The following SYT16 variants were observed in gnomAD, a reference collection of about 807,000 sequenced individuals.
The protein encoded by SYT16 is synaptotagmin-16.
A neutral mutation model predicts 61.4 loss-of-function variants in SYT16; 42 were observed. That is an observed-to-expected ratio of 0.68 (90% CI 0.53 to 0.89). SYT16 has a LOEUF of 0.89. Ranked by LOEUF, SYT16 falls within the 40% of genes least tolerant of loss-of-function variation. The probability of loss-of-function intolerance (pLI) is 0.00; values close to 1 mark genes in which losing one functional copy is unlikely to be tolerated. For missense variants in SYT16, 804 were observed against 807.3 expected (o/e 1.00, Z 0.05); for synonymous variants, 314 against 302.3 (o/e 1.04, Z -0.40).
At chr14:62,060,577 T>C (rs1281271024) in intron 3 of SYT16, among the ~76,000 whole-genome samples, 1 of 151,948 alleles carries the variant, frequency 6.6e-6, no homozygotes, top group Non-Finnish European at 1.5e-5. Context: ...TGTGTTGAGA[T>C]GATTATTTGG....
chr14:62,078,153 C>CTATATATATATATA (rs1437217028), intron 5 of SYT16, among the ~76,000 whole-genome samples: 66 of 101,712 alleles, frequency 6.5e-4, no homozygotes, highest in African/African-American at 2.8e-3. Context: ...CTCTCTCTCT[C>CTATATATATATATA]TCTATATATA....
At chr14:62,043,448 C>T (rs1476146981) in intron 3 of SYT16, among the ~76,000 whole-genome samples, 3 of 145,054 alleles carry the variant, frequency 2.1e-5, no homozygotes, top group Non-Finnish European at 4.5e-5. Flanking sequence ...TTCTCTGTCG[C>T]CCAGGCTGGA....
At chr14:62,011,497 C>A (rs886090914) in intron 3 of SYT16, among the ~76,000 whole-genome samples, 1 of 152,172 alleles carries the variant, frequency 6.6e-6, no homozygotes, top group Non-Finnish European at 1.5e-5. Context: ...CTTTAGCAAT[C>A]TCTGAAGCCA....
intron 1 of SYT16, among the ~76,000 whole-genome samples, chr14:61,815,322 A>G (rs1035455794): frequency 2.0e-5 from 3 of 152,224 alleles, no homozygotes; most frequent in African/African-American, 4.8e-5. Context: ...CAGTGACTAC[A>G]TGACCTCGAT....
chr14:61,822,315 C>G (rs1208029437), intron 1 of SYT16, among the ~76,000 whole-genome samples: 2 of 152,214 alleles, frequency 1.3e-5, no homozygotes, highest in Non-Finnish European at 2.9e-5. Context: ...CATCTTTTCC[C>G]ACACTCCTTC....
intron 5 of SYT16, among the ~76,000 whole-genome samples, chr14:62,075,604 T>TTAAAAAAAAA (rs1566824324): frequency 1.6e-5 from 1 of 61,418 alleles, no homozygotes; most frequent in Non-Finnish European, 3.3e-5. Context: ...GGATGAACGG[T>TTAAAAAAAAA]AAAAAAAAAA....
rs573696988 is a variant in SYT16, at chr14:62,011,876, C to T, written c.523+15334C>T. ...CACAAGTCAGGGAACACTATATATA[C>T]ACACACACACACACACACACACACA... On this transcript the variant is annotated intron_variant, in intron 3 of 7. Transcript: ENST00000683842. Among the ~76,000 whole-genome samples the T allele has an allele frequency of 2.6e-3, 268 of 101,348 alleles. 1 individual carries two copies. The highest frequency in any genetic ancestry group is 3.9e-3 in the African/African-American group (96 of 24,860). The allele number at this position is 101,348 out of a possible 152,430, so 66.5% of individuals were successfully genotyped here.
intron 1 of SYT16, among the ~76,000 whole-genome samples, chr14:61,898,859 G>A (rs1340363885): frequency 3.9e-5 from 6 of 152,138 alleles, no homozygotes; most frequent in Admixed American, 2.0e-4. Context: ...GATGAGGCCC[G>A]CACAGGATCC....
intron 1 of SYT16, among the ~76,000 whole-genome samples, chr14:61,924,391 C>G (rs2049455285): frequency 6.6e-6 from 1 of 152,160 alleles, no homozygotes; most frequent in Non-Finnish European, 1.5e-5. Context: ...TTAAGCAAGG[C>G]TTGGAAACTT....
chr14:61,820,467 G>A (rs928493573), intron 1 of SYT16, among the ~76,000 whole-genome samples: 2 of 98,574 alleles, frequency 2.0e-5, no homozygotes, highest in African/African-American at 4.2e-5. Context: ...CACCTCTTCA[G>A]AGTTTTTTTT....
At chr14:62,035,671 C>T (rs945532718) in intron 3 of SYT16, among the ~76,000 whole-genome samples, 5 of 152,162 alleles carry the variant, frequency 3.3e-5, no homozygotes, top group South Asian at 2.1e-4. Flanking sequence ...ACTTGAAAGA[C>T]ACTTTCCTAT....
intron 1 of SYT16, among the ~76,000 whole-genome samples, chr14:61,860,855 G>C (rs1182403306): frequency 6.6e-6 from 1 of 152,190 alleles, no homozygotes; most frequent in African/African-American, 2.4e-5. Flanking sequence ...CCAGGGTGTG[G>C]TTTTGCTAAG....
chr14:62,098,946 A>T (rs1224321173), intron 7 of SYT16, among the ~76,000 whole-genome samples: 1 of 152,192 alleles, frequency 6.6e-6, no homozygotes, highest in Non-Finnish European at 1.5e-5. Context: ...GAGGCTGAGT[A>T]TTAGTGGGGA....
chr14:62,004,923 C>T (rs772870563), intron 3 of SYT16, among the ~76,000 whole-genome samples: 7 of 152,180 alleles, frequency 4.6e-5, no homozygotes, highest in Non-Finnish European at 1.0e-4. Context: ...CCTCCCTTGA[C>T]ATCACCTAAA....
rs1372512115 is a variant in SYT16, at chr14:62,106,158, G to GTAC, written c.*5454_*5456dup. ...TAATTCAAAATGTATTCATTGTCTAGTACTATGCTATCTGGGCTGGCACAG... is the reference window on the plus strand; with the variant it reads ...TAATTCAAAATGTATTCATTGTCTAGTACTACTATGCTATCTGGGCTGGCACAG... On this transcript the variant is annotated 3_prime_UTR_variant, in exon 8 of 8. Coordinates refer to ENST00000683842, the MANE Select transcript of SYT16 (RefSeq NM_001367656.1). 1 of 152,204 alleles carries GTAC rather than the reference G, an allele frequency of 6.6e-6. No homozygotes were observed. Among genetic ancestry groups the GTAC allele is most frequent in the African/African-American group, 2.4e-5 (1 of 41,442 alleles). The allele number at this position is 152,204 out of a possible 1,614,324, so 9.4% of individuals were successfully genotyped here. A position where few individuals can be genotyped will look rare whatever the true frequency, so the allele number is the denominator to read the frequency against.
intron 1 of SYT16, among the ~76,000 whole-genome samples, chr14:61,912,533 T>A (rs1181673079): frequency 6.6e-6 from 1 of 152,240 alleles, no homozygotes; most frequent in Non-Finnish European, 1.5e-5. Context: ...ACTACATTTT[T>A]AATCAAAGAT....
rs1190063479 is a variant in SYT16, at chr14:62,100,595, G to T, written c.1826G>T (p.Trp609Leu). 6.2e-7 allele frequency: 1 copy of T among 1,613,678 alleles called. No individual in the cohort carries two copies. The highest frequency in any genetic ancestry group is 2.2e-5 in the East Asian group (1 of 44,886). The change falls in exon 8 of 8, where the codon TGG becomes TTG. Residue 609 changes from tryptophan (W) to leucine (L), a missense_variant. Coordinates refer to ENST00000683842, the MANE Select transcript of SYT16 (RefSeq NM_001367656.1). ...ATGAAGCGTAAAGAGATGATTGGCT[G>T]GATTGCCCTGGGCCAGAACAGCAGT... ...RTMKRKEMIGWIALGQNSSGE... is the reference protein window; with the variant it reads ...RTMKRKEMIGLIALGQNSSGE...
At chr14:61,873,620 G>A (rs2047399260) in intron 1 of SYT16, among the ~76,000 whole-genome samples, 1 of 152,204 alleles carries the variant, frequency 6.6e-6, no homozygotes, top group Admixed American at 6.5e-5. Flanking sequence ...ACATGAGTAG[G>A]GGAGGTACAA....
At chr14:61,965,770 A>G (rs903226560) in intron 1 of SYT16, among the ~76,000 whole-genome samples, 1 of 152,108 alleles carries the variant, frequency 6.6e-6, no homozygotes, top group Admixed American at 6.6e-5. Flanking sequence ...AGATGGAACA[A>G]GAGCAGTTGA....
Sources: allele counts gnomAD v4.1 joint callset (sites outside exome capture counted in the v4.1 genomes callset), GRCh38; gene constraint gnomAD v4.1.1; transcripts MANE v1.5; gene names NCBI Gene and HGNC (gene_info 2026-07-23, HGNC 2026-07-21).